The following GRIK1 variants were observed in gnomAD, a reference collection of about 807,000 sequenced individuals.
GRIK1 encodes the protein glutamate receptor ionotropic, kainate 1.
A neutral mutation model predicts 105.7 loss-of-function variants in GRIK1; 69 were observed. That is an observed-to-expected ratio of 0.65 (90% confidence interval 0.54 to 0.80). The LOEUF is 0.80. Among genes scored for constraint, GRIK1 ranks in the 30% least tolerant of loss-of-function variants. The pLI, the probability that GRIK1 is intolerant of heterozygous loss-of-function variation, is 0.00. For missense variants in GRIK1, 1,109 were observed against 1,167.3 expected, an observed-to-expected ratio of 0.95 and a Z score of 0.73; for synonymous variants, 438 against 431.3, an observed-to-expected ratio of 1.02 and a Z score of -0.19.
chr21:29,937,462 T>C (rs184117490), intron 1 of GRIK1, among the ~76,000 whole-genome samples: 3 of 152,338 alleles, frequency 2.0e-5, no homozygotes, highest in Non-Finnish European at 4.4e-5. Context: ...CAGTGAATCA[T>C]GTTGTTTGTT....
chr21:29,564,762 T>G (rs1720518433), intron 14 of GRIK1, among the ~76,000 whole-genome samples: 1 of 152,214 alleles, frequency 6.6e-6, no homozygotes, highest in Non-Finnish European at 1.5e-5. Context: ...TTCAACAGTA[T>G]GCAGGTGGTC....
chr21:29,662,372 A>T (rs1421858149), intron 4 of GRIK1, among the ~76,000 whole-genome samples: 2 of 152,338 alleles, frequency 1.3e-5, no homozygotes, highest in East Asian at 3.9e-4. Context: ...GGGCAATTAC[A>T]TGAAACTAAA....
At chr21:29,762,759 AT>A (rs1230669518) in intron 1 of GRIK1, among the ~76,000 whole-genome samples, 1 of 152,190 alleles carries the variant, frequency 6.6e-6, no homozygotes, top group East Asian at 1.9e-4. Flanking sequence ...CTGCAGAGTC[AT>A]GCTTTTCTCA....
At chr21:29,595,443 G>A (rs1353082488) in intron 9 of GRIK1, among the ~76,000 whole-genome samples, 4 of 150,642 alleles carry the variant, frequency 2.7e-5, no homozygotes, top group Non-Finnish European at 5.9e-5. Context: ...GCACTTAGTA[G>A]CCTTGTTCAC....
intron 1 of GRIK1, among the ~76,000 whole-genome samples, chr21:29,763,265 T>C (rs771223697): frequency 2.0e-5 from 3 of 152,188 alleles, no homozygotes; most frequent in Admixed American, 6.5e-5. Flanking sequence ...CCTGCTCCCC[T>C]GTGAAGAAGA....
At chr21:29,934,331 A>G (rs1379058087) in intron 1 of GRIK1, among the ~76,000 whole-genome samples, 1 of 152,198 alleles carries the variant, frequency 6.6e-6, no homozygotes, top group African/African-American at 2.4e-5. Context: ...GTAATTTCTT[A>G]TATTCGATTT....
intron 1 of GRIK1, among the ~76,000 whole-genome samples, chr21:29,782,587 T>C (rs570428132): frequency 1.1e-4 from 17 of 152,292 alleles, no homozygotes; most frequent in African/African-American, 4.1e-4. Context: ...TGCCTGCCTG[T>C]TACAGGCAGA....
chr21:29,760,413 G>C (rs965201084), intron 1 of GRIK1: 6 of 152,342 alleles, frequency 3.9e-5, no homozygotes, highest in Admixed American at 2.0e-4. Context: ...TAAGCCAAGA[G>C]AGTGCCAGGC....
At chr21:29,891,764 C>T (rs186705752) in intron 1 of GRIK1, among the ~76,000 whole-genome samples, 31 of 152,106 alleles carry the variant, frequency 2.0e-4, no homozygotes, top group African/African-American at 7.2e-4. Context: ...AAAATTTTTT[C>T]AGTTGATGAT....
chr21:29,597,883 G>A (rs1225996028), intron 8 of GRIK1, among the ~76,000 whole-genome samples: 2 of 152,042 alleles, frequency 1.3e-5, no homozygotes, highest in East Asian at 3.9e-4. Context: ...ACAAAAGCAA[G>A]AAAACGGAAA....
chr21:29,603,943 G>T (rs1259513733), intron 7 of GRIK1, among the ~76,000 whole-genome samples: 1 of 152,092 alleles, frequency 6.6e-6, no homozygotes, highest in South Asian at 2.1e-4. Flanking sequence ...TTTTCTAGAG[G>T]CAACTTTTCC....
At chr21:29,904,373 G>A (rs2146271567) in intron 1 of GRIK1, among the ~76,000 whole-genome samples, 1 of 151,826 alleles carries the variant, frequency 6.6e-6, no homozygotes, top group African/African-American at 2.4e-5. Context: ...ACTGAAATTG[G>A]AACTATTATG....
intron 1 of GRIK1, among the ~76,000 whole-genome samples, chr21:29,802,494 C>T (rs1028635419): frequency 6.6e-6 from 1 of 152,086 alleles, no homozygotes; most frequent in African/African-American, 2.4e-5. Flanking sequence ...TTGTTACTTT[C>T]CTGCCCAGCA....
intron 15 of GRIK1, 78 bp downstream of exon 15, chr21:29,561,546 G>T: frequency 2.2e-6 from 2 of 892,242 alleles, no homozygotes; most frequent in African/African-American, 1.6e-5. Context: ...TTGGAATAAA[G>T]AACTCTGAGC....
rs73897675 is a variant in GRIK1, at chr21:29,545,632, C to T, written c.2608-7748G>A. On this transcript the variant is annotated intron_variant, in intron 16 of 17. Transcript: ENST00000327783. ...TAGGGTGTTAGTTGTCCACAGTGCA[C>T]GTATGCACTACACGCATAGCTTTCA... Among the ~76,000 whole-genome samples the T allele has an allele frequency of 4.3e-3, 652 of 152,086 alleles. 2 individuals carry two copies. The highest frequency in any genetic ancestry group is 0.015 in the African/African-American group (605 of 41,476).
At chr21:29,823,629 G>C (rs1202352379) in intron 1 of GRIK1, among the ~76,000 whole-genome samples, 1 of 151,776 alleles carries the variant, frequency 6.6e-6, no homozygotes, top group African/African-American at 2.4e-5. Flanking sequence ...TAGACAACTT[G>C]ACCAAGGAGT....
intron 1 of GRIK1, among the ~76,000 whole-genome samples, chr21:29,782,304 T>C (rs1387679835): frequency 2.6e-5 from 4 of 152,062 alleles, no homozygotes; most frequent in Non-Finnish European, 5.9e-5. Context: ...GCCAGGATGG[T>C]CTCGATCTCC....
chr21:29,539,299 T>TA (rs1236082887), intron 16 of GRIK1, among the ~76,000 whole-genome samples: 2 of 152,188 alleles, frequency 1.3e-5, no homozygotes, highest in Admixed American at 1.3e-4. Context: ...ACACCTAACT[T>TA]ACAGTTTAGC....
At chr21:29,722,268 G>A (rs1400896703) in intron 1 of GRIK1, among the ~76,000 whole-genome samples, 1 of 152,096 alleles carries the variant, frequency 6.6e-6, no homozygotes, top group Non-Finnish European at 1.5e-5. Flanking sequence ...CAACAGCCTG[G>A]TTGGAGGGTA....
Sources: gnomAD v4.1 joint callset for allele counts (sites outside exome capture counted in the v4.1 genomes callset) on GRCh38, gnomAD v4.1.1 for gene constraint, MANE v1.5 for transcripts, NCBI Gene and HGNC (gene_info 2026-07-23, HGNC 2026-07-21) for gene names.